The following GPR39 variants were observed in gnomAD, a reference collection of about 807,000 sequenced individuals.
The protein encoded by GPR39 is G protein-coupled receptor 39, also known as zinc sensing receptor.
A neutral mutation model predicts 18.4 loss-of-function variants in GPR39; 23 were observed. That is an observed-to-expected ratio of 1.25 (90% CI 0.90 to 1.77). The LOEUF is 1.77. Among genes scored for constraint, GPR39 ranks in the 40% most tolerant of loss-of-function variants. The probability of loss-of-function intolerance (pLI) is 0.00; values close to 1 mark genes in which losing one functional copy is unlikely to be tolerated. For synonymous variants in GPR39, 280 were observed against 257.9 expected, an observed-to-expected ratio of 1.09 and a Z score of -0.82; for missense variants, 647 against 602.4, an observed-to-expected ratio of 1.07 and a Z score of -0.78.
intron 1 of GPR39, among the ~76,000 whole-genome samples, chr2:132,487,324 T>A (rs2104792885): frequency 6.6e-6 from 1 of 152,358 alleles, no homozygotes; most frequent in Non-Finnish European, 1.5e-5. Context: ...ACCAAAAATG[T>A]GACACACAGC....
chr2:132,590,998 T>G (rs892032257), intron 1 of GPR39, among the ~76,000 whole-genome samples: 2 of 151,722 alleles, frequency 1.3e-5, no homozygotes, highest in Non-Finnish European at 2.9e-5. Context: ...ACGCCTGTAA[T>G]CCCAGCACTT....
chr2:132,634,251 C>T (rs1681708594), intron 1 of GPR39, among the ~76,000 whole-genome samples: 1 of 152,074 alleles, frequency 6.6e-6, no homozygotes, highest in South Asian at 2.1e-4. Context: ...TTTCTGACAG[C>T]AGTCACTGTG....
At chr2:132,479,124 CA>C (rs1365610318) in intron 1 of GPR39, among the ~76,000 whole-genome samples, 2 of 152,202 alleles carry the variant, frequency 1.3e-5, no homozygotes, top group Non-Finnish European at 2.9e-5. Context: ...ACTGATTACA[CA>C]TTAAAGTGTT....
chr2:132,438,969 G>A (rs538264965), intron 1 of GPR39, among the ~76,000 whole-genome samples: 32 of 152,296 alleles, frequency 2.1e-4, no homozygotes, highest in South Asian at 6.2e-4. Flanking sequence ...GACATGTGGC[G>A]CATAAGTGAT....
intron 1 of GPR39, among the ~76,000 whole-genome samples, chr2:132,580,106 G>C (rs897306040): frequency 6.6e-6 from 1 of 152,224 alleles, no homozygotes; most frequent in African/African-American, 2.4e-5. Flanking sequence ...CAAAGTTCGG[G>C]CTTCCTAGTT....
rs1679931205 is a variant in GPR39, at chr2:132,417,606, T to C, written c.564T>C (p.Gly188=). ...TGGTGAACGTGCCCAGCCACCGGGG[T>C]CTCACTTGCAACCGCTCCAGCACCC... The part of the protein sequence containing the change: ...YPLVNVPSHR[G]LTCNRSSTRH... The change falls in exon 1 of 2, where the codon GGT becomes GGC. Residue 188 remains glycine, a synonymous_variant. Transcript: ENST00000329321. The C allele has an allele frequency of 6.2e-7, 1 of 1,613,610 alleles. No individual in the cohort carries two copies. The highest frequency in any genetic ancestry group is 1.7e-5 in the Admixed American group (1 of 59,958).
chr2:132,520,015 C>T (rs563746739), intron 1 of GPR39, among the ~76,000 whole-genome samples: 1 of 152,308 alleles, frequency 6.6e-6, no homozygotes, highest in African/African-American at 2.4e-5. Context: ...CAGTAGCCTA[C>T]AAGCTGTCCT....
chr2:132,518,363 C>A (rs1296713077), intron 1 of GPR39, among the ~76,000 whole-genome samples: 1 of 152,196 alleles, frequency 6.6e-6, no homozygotes, highest in Non-Finnish European at 1.5e-5. Flanking sequence ...TAGCTCACAG[C>A]TACTAATGAG....
intron 1 of GPR39, among the ~76,000 whole-genome samples, chr2:132,453,833 G>T (rs539858647): frequency 1.3e-5 from 2 of 152,052 alleles, no homozygotes; most frequent in Non-Finnish European, 2.9e-5. Flanking sequence ...CTGTTTCATT[G>T]GTCTATATGT....
intron 1 of GPR39, among the ~76,000 whole-genome samples, chr2:132,640,127 T>C (rs1681833933): frequency 6.6e-6 from 1 of 152,144 alleles, no homozygotes; most frequent in Non-Finnish European, 1.5e-5. Context: ...GATGGAATTC[T>C]GGGGAACACA....
At chr2:132,440,969 T>C (rs1680428011) in intron 1 of GPR39, among the ~76,000 whole-genome samples, 1 of 152,144 alleles carries the variant, frequency 6.6e-6, no homozygotes, top group Admixed American at 6.5e-5. Context: ...GACACGCTCT[T>C]CTCTGCTGTT....
At chr2:132,633,176 G>A (rs765258074) in intron 1 of GPR39, among the ~76,000 whole-genome samples, 4 of 152,176 alleles carry the variant, frequency 2.6e-5, no homozygotes, top group African/African-American at 7.2e-5. Context: ...TCACCTGGAC[G>A]GGAAGCATGT....
At chr2:132,595,905 G>A (rs1478949413) in intron 1 of GPR39, among the ~76,000 whole-genome samples, 1 of 152,126 alleles carries the variant, frequency 6.6e-6, no homozygotes, top group Non-Finnish European at 1.5e-5. Context: ...CTTCTCTTTT[G>A]ATTCTTTTCA....
intron 1 of GPR39, among the ~76,000 whole-genome samples, chr2:132,517,149 A>AG (rs1331711154): frequency 2.6e-5 from 4 of 151,868 alleles, no homozygotes; most frequent in Admixed American, 6.5e-5. Flanking sequence ...TTGTGTGTTT[A>AG]GGGGTGTGTG....
intron 1 of GPR39, among the ~76,000 whole-genome samples, chr2:132,459,482 G>T (rs1349920763): frequency 1.3e-5 from 2 of 152,124 alleles, no homozygotes; most frequent in African/African-American, 4.8e-5. Flanking sequence ...TCCTCATTGT[G>T]CTCAGATTCC....
chr2:132,620,048 C>A (rs779956625), intron 1 of GPR39, among the ~76,000 whole-genome samples: 1 of 152,188 alleles, frequency 6.6e-6, no homozygotes, highest in East Asian at 1.9e-4. Flanking sequence ...CTTAGCGGGG[C>A]TTTCAAGCCT....
chr2:132,441,652 C>G (rs141270105), intron 1 of GPR39, among the ~76,000 whole-genome samples: 3 of 152,114 alleles, frequency 2.0e-5, no homozygotes, highest in Non-Finnish European at 4.4e-5. Flanking sequence ...TCTATCACAC[C>G]GAAGCTTCCA....
At chr2:132,481,471 T>C (rs1681232447) in intron 1 of GPR39, among the ~76,000 whole-genome samples, 4 of 152,160 alleles carry the variant, frequency 2.6e-5, no homozygotes, top group African/African-American at 9.7e-5. Context: ...AAAGAAACAT[T>C]TGGGGACATT....
chr2:132,519,684 G>A (rs6430365), intron 1 of GPR39, among the ~76,000 whole-genome samples: 98,105 of 151,882 alleles, frequency 0.65, 32,146 homozygotes, highest in East Asian at 0.8. Context: ...AAGAACAGCC[G>A]CTGATATTAC....
Sources: gnomAD v4.1 joint callset for allele counts (sites outside exome capture counted in the v4.1 genomes callset) on GRCh38, gnomAD v4.1.1 for gene constraint, MANE v1.5 for transcripts, NCBI Gene and HGNC (gene_info 2026-07-23, HGNC 2026-07-21) for gene names.